The following CWF19L2 variants were observed in gnomAD, a reference collection of about 807,000 sequenced individuals.
CWF19L2 encodes CWF19 like cell cycle control factor 2.
In CWF19L2, 98 loss-of-function variants were observed where a neutral mutation model predicts 111.7. The ratio of observed to expected loss-of-function variants is 0.88; its 90% CI spans 0.75 to 1.04. The LOEUF (loss-of-function observed/expected upper bound fraction) is 1.04, where lower values mean the gene tolerates loss of function less well. Ranked by LOEUF, CWF19L2 falls within the 50% of genes least tolerant of loss-of-function variation. The probability of loss-of-function intolerance (pLI) is 0.00; values close to 1 mark genes in which losing one functional copy is unlikely to be tolerated. For synonymous variants in CWF19L2, 351 were observed against 342.9 expected, an observed-to-expected ratio of 1.02 and a Z score of -0.26; for missense variants, 1,101 against 1,051.4, an observed-to-expected ratio of 1.05 and a Z score of -0.65.
intron 13 of CWF19L2, among the ~76,000 whole-genome samples, chr11:107,353,225 G>A (rs1329117488): frequency 1.3e-5 from 2 of 152,090 alleles, no homozygotes; most frequent in African/African-American, 4.8e-5. Flanking sequence ...CTTTTCCCCA[G>A]TGACTAATTA....
chr11:107,457,556 A>T (rs1328135973), intron 1 of CWF19L2, among the ~76,000 whole-genome samples, 156 bp downstream of exon 1: 3 of 152,206 alleles, frequency 2.0e-5, no homozygotes, highest in African/African-American at 7.2e-5. Flanking sequence ...ATCGGTAGCT[A>T]CAAAAGGGTT....
intron 12 of CWF19L2, among the ~76,000 whole-genome samples, chr11:107,360,566 T>C (rs1183041118): frequency 6.6e-6 from 1 of 152,188 alleles, no homozygotes; most frequent in Non-Finnish European, 1.5e-5. Flanking sequence ...TCCATACCGT[T>C]TTCCATAGAG....
At chr11:107,334,986 G>T in intron 15 of CWF19L2, 25 bp from the exon 16 acceptor site, 3 of 1,428,748 alleles carry the variant, frequency 2.1e-6, no homozygotes, top group Non-Finnish European at 2.9e-6. Context: ...TTTGTTAAGT[G>T]AAAAAAGAAC....
intron 12 of CWF19L2, among the ~76,000 whole-genome samples, chr11:107,381,062 G>T (rs1413824215): frequency 2.6e-5 from 4 of 152,126 alleles, no homozygotes; most frequent in African/African-American, 7.2e-5. Flanking sequence ...GGGGTAAATG[G>T]AAGTGAGCAG....
intron 3 of CWF19L2, among the ~76,000 whole-genome samples, chr11:107,454,026 G>A (rs147266032): frequency 2.0e-5 from 3 of 152,256 alleles, no homozygotes; most frequent in African/African-American, 4.8e-5. Context: ...GGTTTTTGAC[G>A]CCAGTACCTG....
intron 14 of CWF19L2, among the ~76,000 whole-genome samples, chr11:107,336,932 T>C (rs1859934443): frequency 6.6e-6 from 1 of 152,160 alleles, no homozygotes; most frequent in Non-Finnish European, 1.5e-5. Flanking sequence ...GCAAGACTTT[T>C]AAAAAAACTG....
chr11:107,336,480 G>T, intron 15 of CWF19L2, 78 bp downstream of exon 15: 1 of 1,169,846 alleles, frequency 8.5e-7, no homozygotes, highest in East Asian at 2.6e-5. Context: ...AGAAAAATAT[G>T]TTAATAAAGA....
At chr11:107,333,422 A>G (rs903657061) in intron 16 of CWF19L2, among the ~76,000 whole-genome samples, 1 of 152,200 alleles carries the variant, frequency 6.6e-6, no homozygotes, top group Non-Finnish European at 1.5e-5. Flanking sequence ...GGACTAATAA[A>G]TCAAATTTTT....
rs962263701 is a variant in CWF19L2 at position 107,326,806 on chromosome 11, G to T, written c.*104C>A. 1 of 951,408 alleles carries T rather than the reference G, an allele frequency of 1.1e-6. No individual in the cohort carries two copies. Among genetic ancestry groups the T allele is most frequent in the Non-Finnish European group, 1.5e-6 (1 of 645,782 alleles). The allele number at this position is 951,408 out of a possible 1,614,324, so 58.9% of individuals were successfully genotyped here. A position where few individuals can be genotyped will look rare whatever the true frequency, so the allele number is the denominator to read the frequency against. Reference sequence around the variant, plus strand: ...CACTGACCCAGAGCAGTCTGCTGCTGTGACTCTCTCTGCCTGTGACCTGAG... The same window carrying T: ...CACTGACCCAGAGCAGTCTGCTGCTTTGACTCTCTCTGCCTGTGACCTGAG... On this transcript the variant is annotated 3_prime_UTR_variant, in exon 18 of 18. Transcript: ENST00000282251.
chr11:107,331,456 T>C (rs879641140), intron 16 of CWF19L2, among the ~76,000 whole-genome samples: 1 of 151,906 alleles, frequency 6.6e-6, no homozygotes, highest in Non-Finnish European at 1.5e-5. Flanking sequence ...AAGGTCAGAG[T>C]CAGAGAAAGA....
chr11:107,352,990 T>G (rs1307251104), intron 13 of CWF19L2, among the ~76,000 whole-genome samples: 1 of 152,140 alleles, frequency 6.6e-6, no homozygotes, highest in African/African-American at 2.4e-5. Context: ...GAAACATTAT[T>G]CATTCCTATC....
intron 12 of CWF19L2, among the ~76,000 whole-genome samples, chr11:107,358,888 A>G (rs959922014): frequency 2.6e-5 from 4 of 152,184 alleles, no homozygotes; most frequent in Non-Finnish European, 5.9e-5. Context: ...CCCCAACATC[A>G]TATTTGGCTG....
intron 10 of CWF19L2, among the ~76,000 whole-genome samples, chr11:107,393,615 GC>G (rs1483875051): frequency 6.6e-6 from 1 of 152,158 alleles, no homozygotes; most frequent in Non-Finnish European, 1.5e-5. Flanking sequence ...TCACACAATT[GC>G]CAAGTCATGG....
chr11:107,344,647 A>G (rs1231115744), intron 14 of CWF19L2, among the ~76,000 whole-genome samples: 3 of 152,104 alleles, frequency 2.0e-5, no homozygotes, highest in South Asian at 4.1e-4. Flanking sequence ...TTGTTGAAGC[A>G]TTTTTACGAG....
At position 107,385,223 on chromosome 11, in the gene CWF19L2, C is replaced by T. The variant is rs149843019; in HGVS notation, c.1872+4851G>A. Among the ~76,000 whole-genome samples, 690 of 151,996 alleles carry T rather than the reference C, an allele frequency of 4.5e-3. 3 individuals carry two copies. Among genetic ancestry groups the T allele is most frequent in the African/African-American group, 0.013 (538 of 41,426 alleles). On this transcript the variant is annotated intron_variant, in intron 12 of 17. Transcript: ENST00000282251. ...ACTAAAAATCCCAATGTGAAATCAG[C>T]ATTTCCATAGCAACCTGTACTTCCA...
intron 10 of CWF19L2, among the ~76,000 whole-genome samples, chr11:107,404,815 A>G (rs1217938504): frequency 6.6e-6 from 1 of 152,170 alleles, no homozygotes; most frequent in African/African-American, 2.4e-5. Flanking sequence ...TATACACCCA[A>G]AGCTAACCCA....
chr11:107,455,823 G>A (rs1302683553), intron 1 of CWF19L2, 47 bp from the exon 2 acceptor site: 12 of 1,184,994 alleles, frequency 1.0e-5, no homozygotes, highest in Non-Finnish European at 1.4e-5. Flanking sequence ...TGACCCAACT[G>A]GGTTTCACAA....
intron 14 of CWF19L2, among the ~76,000 whole-genome samples, chr11:107,344,237 C>T (rs1438788109): frequency 6.6e-6 from 1 of 152,162 alleles, no homozygotes; most frequent in African/African-American, 2.4e-5. Context: ...GGGCTGCCAG[C>T]ATTTCTTGGC....
chr11:107,400,104 A>G (rs538879839), intron 10 of CWF19L2, among the ~76,000 whole-genome samples: 1 of 152,302 alleles, frequency 6.6e-6, no homozygotes, highest in East Asian at 1.9e-4. Flanking sequence ...CTAAACGCCT[A>G]TATCAAAAGT....
Sources: allele counts gnomAD v4.1 joint callset (sites outside exome capture counted in the v4.1 genomes callset), GRCh38; gene constraint gnomAD v4.1.1; transcripts MANE v1.5; gene names NCBI Gene and HGNC (gene_info 2026-07-23, HGNC 2026-07-21).